The following ELOVL6 variants were observed in gnomAD, a reference collection of about 807,000 sequenced individuals.
ELOVL6 encodes the protein very long chain fatty acid elongase 6.
A neutral mutation model predicts 31.7 loss-of-function variants in ELOVL6; 8 were observed. The ratio of observed to expected loss-of-function variants is 0.25; its 90% CI spans 0.15 to 0.45. ELOVL6 has a LOEUF of 0.45. Ranked by LOEUF, ELOVL6 falls within the 20% of genes least tolerant of loss-of-function variation. The pLI, the probability that ELOVL6 is intolerant of heterozygous loss-of-function variation, is 1.00. For synonymous variants in ELOVL6, 101 were observed against 117.7 expected (o/e 0.86, Z 0.92); for missense variants, 126 against 326.4 (o/e 0.39, Z 4.73).
chr4:110,159,464 TTTTC>T (rs1390257971), intron 1 of ELOVL6, among the ~76,000 whole-genome samples: 1 of 151,990 alleles, frequency 6.6e-6, no homozygotes, highest in Admixed American at 6.6e-5. Flanking sequence ...AGTACACAGT[TTTTC>T]TTTTTTTTTT....
At chr4:110,192,158 C>A (rs1245378402) in intron 1 of ELOVL6, among the ~76,000 whole-genome samples, 3 of 149,376 alleles carry the variant, frequency 2.0e-5, no homozygotes, top group Non-Finnish European at 4.4e-5. Flanking sequence ...CAATTGCACT[C>A]CAGCCTGGGC....
In ELOVL6 at chr4:110,051,610, C is replaced by T. The variant is rs146684789; in HGVS notation, c.526G>A (p.Val176Met). ...CGCAAGGCATAGTAAGAGTACATCA[C>T]GGCGTGCACGCCATAGTTCATAGTC... ...FMTMNYGVHA[V>M]MYSYYALRAA... Residue 176 changes from valine to methionine, a missense_variant, in exon 4 of 4, where the codon GTG (valine) becomes ATG (methionine). Val to Met is a conservative substitution (Grantham distance 21, BLOSUM62 1). Around this residue, in one of 3 missense-constraint regions of ELOVL6, gnomAD observed 53 missense variants for 193.4 expected, o/e 0.27. Transcript: ENST00000302274. This position sits in a 1 kb window ranked among gnomAD's most constrained non-coding sequence, Gnocchi z 4.8. 11 of 1,614,212 alleles carry T rather than the reference C, an allele frequency of 6.8e-6. No homozygotes were observed. Among genetic ancestry groups the T allele is most frequent in the South Asian group, 3.3e-5 (3 of 91,088 alleles).
rs962616382 is a variant in ELOVL6, at chr4:110,092,824, C to T, written c.221+12673G>A. 2.6e-5 allele frequency among the ~76,000 whole-genome samples: 4 copies of T among 151,812 alleles called. No homozygotes were observed. The South Asian group carries it at 8.3e-4, about 32-fold the overall frequency. ...TAGTACACACACACACACACACGTGCACACATCCCAAACCCTGCCAAACAA... is the reference window on the plus strand; with the variant it reads ...TAGTACACACACACACACACACGTGTACACATCCCAAACCCTGCCAAACAA... On this transcript the variant is annotated intron_variant, in intron 2 of 3. Coordinates refer to ENST00000302274, the MANE Select transcript of ELOVL6 (RefSeq NM_024090.3).
In ELOVL6 at chr4:110,137,362, G is replaced by T. The variant is rs375418865; in HGVS notation, c.90-31734C>A. Among the ~76,000 whole-genome samples the T allele has an allele frequency of 2.9e-4, 44 of 152,214 alleles. 1 individual carries two copies. Among genetic ancestry groups the T allele is most frequent in the African/African-American group, 1.0e-3 (43 of 41,538 alleles). On this transcript the variant is annotated intron_variant, in intron 1 of 3. Transcript: ENST00000302274. Reference sequence around the variant, plus strand: ...ATCATCGTGACTTACTTTCTTTGGGGCAAAGTCGTGACTAACTTTCTTTGG... The same window carrying T: ...ATCATCGTGACTTACTTTCTTTGGGTCAAAGTCGTGACTAACTTTCTTTGG...
chr4:110,192,068 T>C (rs1258135361), intron 1 of ELOVL6, among the ~76,000 whole-genome samples: 2 of 151,600 alleles, frequency 1.3e-5, no homozygotes, highest in Admixed American at 1.3e-4. Context: ...CGCATGCCTG[T>C]AAACCCAGCT....
At chr4:110,086,097 C>T (rs905738517) in intron 2 of ELOVL6, among the ~76,000 whole-genome samples, 2 of 152,160 alleles carry the variant, frequency 1.3e-5, no homozygotes, top group African/African-American at 4.8e-5. Flanking sequence ...AAAGTGTTTC[C>T]CTCCCTCAGA....
intron 1 of ELOVL6, among the ~76,000 whole-genome samples, chr4:110,135,405 T>G (rs930181842): frequency 6.6e-6 from 1 of 152,200 alleles, no homozygotes; most frequent in East Asian, 1.9e-4. Context: ...AGGTCTCAGT[T>G]CAAACTGGCT....
intron 1 of ELOVL6, among the ~76,000 whole-genome samples, chr4:110,174,302 T>G (rs1453793133): frequency 6.6e-6 from 1 of 151,920 alleles, no homozygotes; most frequent in Non-Finnish European, 1.5e-5. Context: ...TACCTGAGAT[T>G]ACAGGCCCAT....
intron 1 of ELOVL6, among the ~76,000 whole-genome samples, chr4:110,142,143 T>C (rs1757984529): frequency 7.0e-6 from 1 of 142,468 alleles, no homozygotes. Context: ...TGATCTCGGC[T>C]CACTGCAAGC....
chr4:110,046,561 G>T lies in ELOVL6; in HGVS notation c.*4777C>A, dbSNP rs1014150473. On this transcript the variant is annotated 3_prime_UTR_variant, in exon 4 of 4. Transcript: ENST00000302274. ...ATTCCCCCTGCCATCTGTGAGCTCT[G>T]AATTGTCAAAGTCTCTGAGGATGAG... is the stretch of plus-strand genomic sequence containing the variant. 1 of 152,248 alleles carries T rather than the reference G, an allele frequency of 6.6e-6. No homozygotes were observed. Among genetic ancestry groups the T allele is most frequent in the Admixed American group, 6.5e-5 (1 of 15,280 alleles). The allele number at this position is 152,248 out of a possible 1,614,324, so 9.4% of individuals were successfully genotyped here.
At position 110,137,537 on chromosome 4, in the gene ELOVL6, T is replaced by C. The variant is rs117240089; in HGVS notation, c.90-31909A>G. 3.4e-3 allele frequency among the ~76,000 whole-genome samples: 519 copies of C among 152,002 alleles called. 9 individuals carry two copies. The East Asian group carries it at 0.056, about 16-fold the overall frequency. Reference sequence around the variant, plus strand: ...GCTGTTTTGACTTTACTATAGATCTTATTATCCATGTCAGTTAAGTTTATG... The same window carrying C: ...GCTGTTTTGACTTTACTATAGATCTCATTATCCATGTCAGTTAAGTTTATG... On this transcript the variant is annotated intron_variant, in intron 1 of 3. Transcript: ENST00000302274.
intron 1 of ELOVL6, among the ~76,000 whole-genome samples, chr4:110,158,272 A>G (rs867898018): frequency 1.3e-5 from 2 of 152,174 alleles, no homozygotes; most frequent in South Asian, 2.1e-4. Flanking sequence ...ACAGTAAAGA[A>G]CAACCTAGTG....
intron 1 of ELOVL6, among the ~76,000 whole-genome samples, chr4:110,143,202 C>T (rs896230713): frequency 2.6e-5 from 4 of 151,770 alleles, no homozygotes; most frequent in African/African-American, 9.7e-5. Flanking sequence ...CTAGTAGTGG[C>T]ATATTTCATC....
chr4:110,080,324 T>C (rs952743148), intron 2 of ELOVL6, among the ~76,000 whole-genome samples: 4 of 152,172 alleles, frequency 2.6e-5, no homozygotes, highest in Admixed American at 6.5e-5. Context: ...CTGATGAACA[T>C]TGATGCAAAA....
At chr4:110,189,108 A>G (rs2126281056) in intron 1 of ELOVL6, among the ~76,000 whole-genome samples, 1 of 150,132 alleles carries the variant, frequency 6.7e-6, no homozygotes. Flanking sequence ...CAAGACCCCC[A>G]TCTCTCCAAT....
At chr4:110,100,470 T>C (rs1251343413) in intron 2 of ELOVL6, among the ~76,000 whole-genome samples, 2 of 151,608 alleles carry the variant, frequency 1.3e-5, no homozygotes, top group Non-Finnish European at 2.9e-5. Flanking sequence ...TAGACTGGTT[T>C]GAAGAGGTTT....
Position 110,084,334 on chromosome 4 carries a change from T to C in ELOVL6, c.221+21163A>G, listed in dbSNP as rs1290472065. The stretch of plus-strand genomic sequence containing the variant: ...ATAACATATATAAATTTGATATATA[T>C]CACATATATGATATATGATATATAC... On this transcript the variant is annotated intron_variant, in intron 2 of 3. Coordinates refer to ENST00000302274, the MANE Select transcript of ELOVL6 (RefSeq NM_024090.3). Among the ~76,000 whole-genome samples the C allele has an allele frequency of 5.0e-4, 36 of 72,624 alleles. 4 individuals are homozygous for C. The highest frequency in any genetic ancestry group is 1.3e-3 in the South Asian group (3 of 2,398). The allele number at this position is 72,624 out of a possible 152,430, so 47.6% of individuals were successfully genotyped here. A position where few individuals can be genotyped will look rare whatever the true frequency, so the allele number is the denominator to read the frequency against.
intron 2 of ELOVL6, among the ~76,000 whole-genome samples, chr4:110,097,715 T>A (rs574203942): frequency 6.6e-6 from 1 of 152,062 alleles, no homozygotes; most frequent in East Asian, 1.9e-4. Flanking sequence ...TTATGTTTAT[T>A]ATAAAACATA....
chr4:110,098,177 A>C (rs1240249566), intron 2 of ELOVL6, among the ~76,000 whole-genome samples: 1 of 151,812 alleles, frequency 6.6e-6, no homozygotes, highest in Non-Finnish European at 1.5e-5. Context: ...AAATATACAC[A>C]CTTAACTGAG....
Sources: gnomAD v4.1 joint callset for allele counts (sites outside exome capture counted in the v4.1 genomes callset) on GRCh38, gnomAD v4.1.1 for gene constraint, gnomAD v4.1.1 regional missense constraint, Gnocchi (gnomAD v3.1) non-coding constraint, MANE v1.5 for transcripts, NCBI Gene and HGNC (gene_info 2026-07-23, HGNC 2026-07-21) for gene names.